Variants in FARS2 observed in about 807,000 individuals in gnomAD.
The protein encoded by FARS2 is phenylalanyl-tRNA synthetase 2, mitochondrial.
In FARS2, 40 loss-of-function variants were observed where a neutral mutation model predicts 46.4. The observed-to-expected ratio is 0.86, with a 90% CI of 0.67 to 1.12. The LOEUF is 1.12. Ranked by LOEUF, FARS2 falls within the 50% of genes most tolerant of loss-of-function variation. FARS2 has a pLI of 0.00. For synonymous variants in FARS2, 234 were observed against 214.9 expected (o/e 1.09, Z -0.78); for missense variants, 513 against 567.9 (o/e 0.90, Z 0.98).
chr6:5,550,040 C>A (rs1771277992), intron 5 of FARS2, among the ~76,000 whole-genome samples: 2 of 152,066 alleles, frequency 1.3e-5, no homozygotes, highest in South Asian at 4.2e-4. Flanking sequence ...CACTTTTGCA[C>A]CTGAAGCGAG....
At chr6:5,299,179 A>C (rs929631451) in intron 1 of FARS2, among the ~76,000 whole-genome samples, 7 of 152,234 alleles carry the variant, frequency 4.6e-5, no homozygotes, top group Non-Finnish European at 4.4e-5. Context: ...GTTTCATTTT[A>C]TAAACTGAAG....
intron 1 of FARS2, among the ~76,000 whole-genome samples, chr6:5,292,489 C>A (rs1321734795): frequency 6.6e-6 from 1 of 152,138 alleles, no homozygotes; most frequent in Non-Finnish European, 1.5e-5. Context: ...TGGAAGTAAT[C>A]AGGCCTGGCC....
At chr6:5,377,961 T>A (rs1759488603) in intron 2 of FARS2, among the ~76,000 whole-genome samples, 1 of 152,190 alleles carries the variant, frequency 6.6e-6, no homozygotes, top group Non-Finnish European at 1.5e-5. Context: ...GAAGGCATAA[T>A]TGTGGAGAAG....
intron 1 of FARS2, among the ~76,000 whole-genome samples, chr6:5,328,863 T>A (rs1384103565): frequency 1.3e-5 from 2 of 152,066 alleles, no homozygotes; most frequent in Non-Finnish European, 2.9e-5. Context: ...AATAATGGAG[T>A]TATTTCGTAT....
Position 5,650,169 on chromosome 6 carries a change from C to T in FARS2, c.1217+36849C>T, listed in dbSNP as rs556746003. Among the ~76,000 whole-genome samples, 177 of 151,690 alleles carry T rather than the reference C, an allele frequency of 1.2e-3. 1 individual carries two copies. The highest frequency in any genetic ancestry group is 3.8e-3 in the African/African-American group (158 of 41,358). On this transcript the variant is annotated intron_variant, in intron 6 of 6. Transcript: ENST00000274680. ...CAGGAGGGGGACATGGAATGTGGCACGGTACCAGCAGTAGGCCGAGAGATG... is the reference window on the plus strand; with the variant it reads ...CAGGAGGGGGACATGGAATGTGGCATGGTACCAGCAGTAGGCCGAGAGATG...
At chr6:5,431,273 C>A in intron 4 of FARS2, 101 bp downstream of exon 4, 4 of 1,172,870 alleles carry the variant, frequency 3.4e-6, no homozygotes, top group Non-Finnish European at 3.7e-6. Flanking sequence ...TACTTCTATG[C>A]GGGCAGCGGC....
chr6:5,346,453 T>G (rs1286734917), intron 1 of FARS2, among the ~76,000 whole-genome samples: 5 of 152,194 alleles, frequency 3.3e-5, no homozygotes, highest in Admixed American at 6.5e-5. Flanking sequence ...CCTATGTGCC[T>G]GTTTCACTTT....
chr6:5,469,163 A>T (rs111620340), intron 4 of FARS2, among the ~76,000 whole-genome samples: 4 of 152,252 alleles, frequency 2.6e-5, no homozygotes, highest in African/African-American at 9.6e-5. Flanking sequence ...GTTTCTTGGG[A>T]CCACTTGGTG....
At chr6:5,434,853 T>C (rs1490564548) in intron 4 of FARS2, among the ~76,000 whole-genome samples, 1 of 152,194 alleles carries the variant, frequency 6.6e-6, no homozygotes, top group Admixed American at 6.5e-5. Flanking sequence ...ATATAATTGA[T>C]GACTCCCCTT....
intron 1 of FARS2, among the ~76,000 whole-genome samples, chr6:5,262,275 C>G (rs752139984): frequency 1.3e-5 from 2 of 152,062 alleles, no homozygotes; most frequent in Admixed American, 1.3e-4. Flanking sequence ...AGGAACTTTT[C>G]TGTTTCCTTT....
chr6:5,383,738 T>A (rs1759939110), intron 2 of FARS2, among the ~76,000 whole-genome samples: 1 of 151,574 alleles, frequency 6.6e-6, no homozygotes, highest in Non-Finnish European at 1.5e-5. Flanking sequence ...TCTTGTGGGT[T>A]GTCCTTTTTA....
At chr6:5,549,161 C>T (rs2150511066) in intron 5 of FARS2, among the ~76,000 whole-genome samples, 1 of 151,188 alleles carries the variant, frequency 6.6e-6, no homozygotes, top group African/African-American at 2.4e-5. Flanking sequence ...GGGGAATCCA[C>T]CTTCTTGACT....
chr6:5,274,132 C>T (rs1333309944), intron 1 of FARS2, among the ~76,000 whole-genome samples: 2 of 152,148 alleles, frequency 1.3e-5, no homozygotes, highest in African/African-American at 2.4e-5. Flanking sequence ...TTGGAACCTC[C>T]GTAGACAAAG....
chr6:5,478,244 C>G (rs1357024811), intron 4 of FARS2, among the ~76,000 whole-genome samples: 2 of 152,122 alleles, frequency 1.3e-5, no homozygotes, highest in Non-Finnish European at 2.9e-5. Context: ...AACCTGTGAC[C>G]AGTTACTATT....
chr6:5,350,134 TG>T (rs1241484723), intron 1 of FARS2, among the ~76,000 whole-genome samples: 1 of 151,870 alleles, frequency 6.6e-6, no homozygotes, highest in Non-Finnish European at 1.5e-5. Flanking sequence ...CTTTCTTGCC[TG>T]GGACTACATG....
chr6:5,515,562 G>T (rs1768734067), intron 4 of FARS2, among the ~76,000 whole-genome samples: 1 of 152,120 alleles, frequency 6.6e-6, no homozygotes, highest in South Asian at 2.1e-4. Context: ...CCAAGTAGTT[G>T]GGATTATAGA....
At chr6:5,418,905 C>T (rs1762392200) in intron 3 of FARS2, among the ~76,000 whole-genome samples, 1 of 150,802 alleles carries the variant, frequency 6.6e-6, no homozygotes, top group Admixed American at 6.6e-5. Context: ...ATTAGTTTTT[C>T]ATATGGAAGG....
chr6:5,276,774 C>T (rs776252419), intron 1 of FARS2, among the ~76,000 whole-genome samples: 6 of 152,162 alleles, frequency 3.9e-5, no homozygotes, highest in Non-Finnish European at 8.8e-5. Flanking sequence ...GCAGGATTAG[C>T]TGGCTGTACT....
chr6:5,546,452 A>G (rs1024512722), intron 5 of FARS2, among the ~76,000 whole-genome samples: 11 of 151,288 alleles, frequency 7.3e-5, no homozygotes, highest in South Asian at 2.1e-4. Context: ...GGGTTTCACC[A>G]TGTTGGCCAG....
Sources: allele counts gnomAD v4.1 joint callset (sites outside exome capture counted in the v4.1 genomes callset), GRCh38; gene constraint gnomAD v4.1.1; transcripts MANE v1.5; gene names NCBI Gene and HGNC (gene_info 2026-07-23, HGNC 2026-07-21).